The following PLEKHM2 variants were observed in gnomAD, a reference collection of about 807,000 sequenced individuals.
PLEKHM2 encodes pleckstrin homology and RUN domain containing M2, also known as pleckstrin homology domain-containing family M member 2.
Under a neutral mutation model 116.3 loss-of-function variants are expected in PLEKHM2, and 77 were observed. The ratio of observed to expected loss-of-function variants is 0.66; its 90% CI spans 0.55 to 0.80. The LOEUF (loss-of-function observed/expected upper bound fraction) is 0.80. Among genes scored for constraint, PLEKHM2 ranks in the 30% least tolerant of loss-of-function variants. PLEKHM2 has a pLI of 0.00. For synonymous variants in PLEKHM2, 562 were observed against 571.0 expected (o/e 0.98, Z 0.22); for missense variants, 1,183 against 1,354.9 (o/e 0.87, Z 1.99).
chr1:15,722,616 G>A (rs1324034590), intron 7 of PLEKHM2: 3 of 152,202 alleles, frequency 2.0e-5, no homozygotes, highest in Admixed American at 6.5e-5. Context: ...AGTAATGGGT[G>A]ACAGGTGATC....
At chr1:15,686,734 C>T (rs932230305) in intron 1 of PLEKHM2, among the ~76,000 whole-genome samples, 2 of 150,996 alleles carry the variant, frequency 1.3e-5, no homozygotes, top group Admixed American at 6.6e-5. Context: ...GTGCAAGCTC[C>T]GCCTCATGGG....
intron 1 of PLEKHM2, among the ~76,000 whole-genome samples, chr1:15,687,322 C>G (rs541777654): frequency 6.6e-6 from 1 of 151,606 alleles, no homozygotes; most frequent in African/African-American, 2.4e-5. Context: ...TACAGGCGCC[C>G]GCCACTATGC....
chr1:15,724,463 CAG>C (rs1325161662), intron 7 of PLEKHM2, among the ~76,000 whole-genome samples: 1 of 150,076 alleles, frequency 6.7e-6, no homozygotes, highest in Non-Finnish European at 1.5e-5. Context: ...AGCCTGGCGA[CAG>C]AGAGAGACTC....
At chr1:15,696,596 C>T (rs1221819390) in intron 1 of PLEKHM2, among the ~76,000 whole-genome samples, 1 of 152,216 alleles carries the variant, frequency 6.6e-6, no homozygotes, top group Non-Finnish European at 1.5e-5. Flanking sequence ...GGTGATCCGC[C>T]CGCCTCGGCC....
chr1:15,712,353 G>A (rs541817255), intron 1 of PLEKHM2, among the ~76,000 whole-genome samples: 12 of 152,294 alleles, frequency 7.9e-5, no homozygotes, highest in South Asian at 2.1e-4. Context: ...CAGCATGGTC[G>A]GAGTGTAAAT....
In PLEKHM2 at chr1:15,734,527, T is replaced by G. The variant is rs2068197026; in HGVS notation, c.*593T>G. 6.5e-6 allele frequency: 1 copy of G among 152,746 alleles called. No individual in the cohort carries two copies. Among genetic ancestry groups the G allele is most frequent in the African/African-American group, 2.4e-5 (1 of 41,426 alleles). The allele number at this position is 152,746 out of a possible 1,614,324, so 9.5% of individuals were successfully genotyped here. A position where few individuals can be genotyped will look rare whatever the true frequency, so the allele number is the denominator to read the frequency against. ...GCCAGGAGGCTCTGCATGCCCACAG[T>G]CCTGCCCTGCCTGTCCCCTCAACCC... On this transcript the variant is annotated 3_prime_UTR_variant, in exon 20 of 20. Transcript: ENST00000375799.
In PLEKHM2 at chr1:15,734,010, G is replaced by T; in HGVS notation, c.*76G>T. The T allele has an allele frequency of 6.7e-7, 1 of 1,496,566 alleles. No individual in the cohort carries two copies. Among genetic ancestry groups the T allele is most frequent in the South Asian group, 1.3e-5 (1 of 79,062 alleles). 92.7% of individuals were successfully genotyped at this position (1,496,566 alleles called of 1,614,324 possible). On this transcript the variant is annotated 3_prime_UTR_variant, in exon 20 of 20. Transcript: ENST00000375799. ...CGGCAGGCACACTGTCACGGCTGTT[G>T]TCATGCTGTCGGGAGCCTACAGTCC...
rs776732191 is a variant in PLEKHM2, at chr1:15,728,107, A to T, written c.1789A>T (p.Met597Leu). 6.2e-7 allele frequency: 1 copy of T among 1,611,412 alleles called. No individual in the cohort carries two copies. The highest frequency in any genetic ancestry group is 1.3e-5 in the African/African-American group (1 of 74,890). Residue 597 changes from methionine (M) to leucine (L), a missense_variant, in exon 10 of 20, where the codon ATG becomes TTG. Met to Leu is a conservative substitution (Grantham distance 15). This residue lies in a region of PLEKHM2 where 594 missense variants were observed against 720.1 expected (regional missense o/e 0.82). Coordinates refer to ENST00000375799, the MANE Select transcript of PLEKHM2 (RefSeq NM_015164.4). The surrounding 1 kb of genome is among the most constrained non-coding windows in gnomAD (Gnocchi z 5.9). ...RVDNNHLLLL[M>L]IHVFRENEEQ... Reference sequence around the variant, plus strand: ...AGACAACAATCACCTGCTCCTGCTCATGATCCACGTGTTCCGAGAAAACGA... The same window carrying T: ...AGACAACAATCACCTGCTCCTGCTCTTGATCCACGTGTTCCGAGAAAACGA...
In PLEKHM2 at chr1:15,727,791, A is replaced by C; in HGVS notation, c.1719A>C (p.Gly573=). 1 of 1,602,558 alleles carries C rather than the reference A, an allele frequency of 6.2e-7. No homozygotes were observed. Among genetic ancestry groups the C allele is most frequent in the African/African-American group, 1.3e-5 (1 of 74,878 alleles). Residue 573 remains glycine, a synonymous_variant, in exon 9 of 20, where the codon GGA becomes GGC. Transcript: ENST00000375799. The surrounding 1 kb of genome is among the most constrained non-coding windows in gnomAD (Gnocchi z 7.5). ...SSAEDSGVDE[G]QGSPSEMVHS... is the part of the protein sequence containing the mutation. ...CTGAGGATTCTGGGGTGGATGAGGG[A>C]CAGGGGAGCCCTTCGGAGATGGTCC...
At chr1:15,730,429 G>A (rs1310860153) in intron 14 of PLEKHM2, 103 bp from the exon 15 acceptor site, 35 of 900,204 alleles carry the variant, frequency 3.9e-5, no homozygotes, top group South Asian at 3.6e-4. Flanking sequence ...GCGACAGAGC[G>A]AGACTCCATC....
intron 1 of PLEKHM2, among the ~76,000 whole-genome samples, chr1:15,714,348 T>TAAAAAAA (rs764341573): frequency 2.7e-5 from 3 of 110,210 alleles, no homozygotes; most frequent in African/African-American, 3.3e-5. Context: ...ATTTTGAAAT[T>TAAAAAAA]AAAAAAAAAA....
chr1:15,694,263 C>A (rs551261624), intron 1 of PLEKHM2, among the ~76,000 whole-genome samples: 2 of 152,004 alleles, frequency 1.3e-5, no homozygotes, highest in Non-Finnish European at 2.9e-5. Flanking sequence ...GCAGGAGAAT[C>A]GCTTGAACCC....
At chr1:15,714,583 G>A (rs546601450) in intron 1 of PLEKHM2, among the ~76,000 whole-genome samples, 10 of 152,296 alleles carry the variant, frequency 6.6e-5, no homozygotes, top group African/African-American at 1.9e-4. Flanking sequence ...GGCCTGCCAG[G>A]CTTGTTCCGG....
chr1:15,731,250 A>G lies in PLEKHM2; in HGVS notation c.2458A>G (p.Asn820Asp). Residue 820 changes from asparagine to aspartate, a missense_variant, in exon 16 of 20, where the codon AAC (asparagine) becomes GAC (aspartate). Coordinates refer to ENST00000375799, the MANE Select transcript of PLEKHM2 (RefSeq NM_015164.4). Reference sequence around the variant, plus strand: ...CGACGTCATCCCTCTGCTCTCGGTGAACATGGGGTAAGTGTCCCGGGAGAA... The same window carrying G: ...CGACGTCATCCCTCTGCTCTCGGTGGACATGGGGTAAGTGTCCCGGGAGAA... ...RTDVIPLLSV[N>D]MGGEQCGGCR... The G allele has an allele frequency of 6.3e-7, 1 of 1,587,214 alleles. No individual in the cohort carries two copies. Among genetic ancestry groups the G allele is most frequent in the Non-Finnish European group, 8.6e-7 (1 of 1,166,040 alleles).
intron 15 of PLEKHM2, 109 bp downstream of exon 15, chr1:15,730,831 G>A (rs2068132753): frequency 1.2e-6 from 1 of 854,402 alleles, no homozygotes; most frequent in African/African-American, 1.7e-5. Flanking sequence ...AGCAGCCTGA[G>A]GAGAGGACGC....
chr1:15,698,191 T>C (rs1641037135), intron 1 of PLEKHM2, among the ~76,000 whole-genome samples: 1 of 152,054 alleles, frequency 6.6e-6, no homozygotes, highest in Admixed American at 6.6e-5. Flanking sequence ...GCATTTTTCT[T>C]TTTAATATTA....
chr1:15,683,897 G>C (rs1640699852), upstream of PLEKHM2, among the ~76,000 whole-genome samples: 1 of 148,316 alleles, frequency 6.7e-6, no homozygotes, highest in African/African-American at 2.5e-5. Context: ...TGGGGTCCCT[G>C]AGGGAATCTG....
intron 1 of PLEKHM2, among the ~76,000 whole-genome samples, chr1:15,689,705 C>T (rs1640849931): frequency 6.6e-6 from 1 of 152,214 alleles, no homozygotes; most frequent in Non-Finnish European, 1.5e-5. Context: ...GCAAGCGTCT[C>T]TGTGGACTCT....
chr1:15,701,950 C>T (rs1557645166), intron 1 of PLEKHM2, among the ~76,000 whole-genome samples: 2 of 152,200 alleles, frequency 1.3e-5, no homozygotes, highest in East Asian at 1.9e-4. Context: ...GATGCAAGCT[C>T]GGGGGGGTAG....
Sources: gnomAD v4.1 joint callset for allele counts (sites outside exome capture counted in the v4.1 genomes callset) on GRCh38, gnomAD v4.1.1 for gene constraint, gnomAD v4.1.1 regional missense constraint, Gnocchi (gnomAD v3.1) non-coding constraint, MANE v1.5 for transcripts, NCBI Gene and HGNC (gene_info 2026-07-23, HGNC 2026-07-21) for gene names.